The following ATF2 variants were observed in gnomAD, a reference collection of about 807,000 sequenced individuals.
ATF2 encodes the protein activating transcription factor 2, also known as cyclic AMP-dependent transcription factor ATF-2.
ATF2 carries 24 observed loss-of-function variants against 60.6 expected under a neutral mutation model. That is an observed-to-expected ratio of 0.40 (90% CI 0.29 to 0.56). The LOEUF is 0.56. ATF2 is among the 20% of genes least tolerant of loss of function. ATF2 has a pLI of 0.54. For missense variants in ATF2, 433 were observed against 607.7 expected, an observed-to-expected ratio of 0.71 and a Z score of 3.02; for synonymous variants, 206 against 215.4, an observed-to-expected ratio of 0.96 and a Z score of 0.38.
chr2:175,108,956 A>G (rs997718905), intron 10 of ATF2, among the ~76,000 whole-genome samples: 5 of 152,054 alleles, frequency 3.3e-5, no homozygotes, highest in African/African-American at 1.2e-4. Context: ...GCTTTGTTAA[A>G]CAGATGCATG....
intron 3 of ATF2, among the ~76,000 whole-genome samples, chr2:175,134,575 C>G (rs1352546754): frequency 1.3e-5 from 2 of 150,282 alleles, no homozygotes; most frequent in African/African-American, 4.9e-5. Context: ...GAAAAAAGAT[C>G]AGTGTGTTTA....
chr2:175,114,420 G>A, intron 8 of ATF2: 1 of 1,247,944 alleles, frequency 8.0e-7, no homozygotes, highest in Non-Finnish European at 1.0e-6. Flanking sequence ...ATCTGGTGAT[G>A]CAGTAATTTT....
chr2:175,141,033 ATATATATATATATATATATG>A (rs1698495580), intron 2 of ATF2, among the ~76,000 whole-genome samples: 6 of 88,112 alleles, frequency 6.8e-5, no homozygotes, highest in Non-Finnish European at 1.1e-4. Flanking sequence ...AAAAAAAAAT[ATATATATATATATATATATG>A]TATATATATA....
At chr2:175,129,452 CA>C (rs1697578076) in intron 4 of ATF2, among the ~76,000 whole-genome samples, 1 of 151,796 alleles carries the variant, frequency 6.6e-6, no homozygotes, top group Admixed American at 6.6e-5. Context: ...TATTGTAAGT[CA>C]ATTATATTTC....
intron 12 of ATF2, among the ~76,000 whole-genome samples, chr2:175,082,868 T>C (rs1693859757): frequency 6.6e-6 from 1 of 152,204 alleles, no homozygotes; most frequent in Non-Finnish European, 1.5e-5. Flanking sequence ...CTCAGAACAG[T>C]TTAGAATGCA....
At chr2:175,097,411 C>T (rs764223377) in intron 11 of ATF2, 33 bp downstream of exon 11, 53 of 1,606,488 alleles carry the variant, frequency 3.3e-5, no homozygotes, top group Non-Finnish European at 4.2e-6. Context: ...TTAAAGATGA[C>T]AGAGTGCTGA....
intron 1 of ATF2, among the ~76,000 whole-genome samples, chr2:175,158,453 G>A (rs1461007080): frequency 6.6e-6 from 1 of 151,752 alleles, no homozygotes; most frequent in African/African-American, 2.4e-5. Flanking sequence ...AATTCCTTGA[G>A]CTCAAACTCT....
At chr2:175,088,558 T>C (rs984140160) in intron 12 of ATF2, among the ~76,000 whole-genome samples, 79 of 151,822 alleles carry the variant, frequency 5.2e-4, no homozygotes, top group African/African-American at 1.8e-3. Context: ...AGTTATTAGG[T>C]TGGTGCAAAC....
chr2:175,153,029 A>G (rs1699413882), intron 1 of ATF2, among the ~76,000 whole-genome samples: 1 of 152,222 alleles, frequency 6.6e-6, no homozygotes, highest in Non-Finnish European at 1.5e-5. Flanking sequence ...GACCAGGTAC[A>G]AAAGTAATTG....
chr2:175,072,348 A>G lies in ATF2; in HGVS notation c.*2261T>C, dbSNP rs1692995385. 2.0e-5 allele frequency: 3 copies of G among 152,184 alleles called. No individual in the cohort carries two copies. The highest frequency in any genetic ancestry group is 6.6e-5 in the Admixed American group (1 of 15,254). 9.4% of individuals were successfully genotyped at this position (152,184 alleles called of 1,614,324 possible). On this transcript the variant is annotated 3_prime_UTR_variant, in exon 14 of 14. Transcript: ENST00000264110. ...GTACAGTTTGTGTAACATTGCAAAT[A>G]TAAGGACTGAAAATGCTAGGTACAG...
chr2:175,087,079 T>G (rs1398336251), intron 12 of ATF2, among the ~76,000 whole-genome samples: 2 of 151,886 alleles, frequency 1.3e-5, no homozygotes, highest in South Asian at 2.1e-4. Context: ...GAAAAAAAAA[T>G]GTATACCTCT....
chr2:175,086,246 G>A (rs1454260395), intron 12 of ATF2, among the ~76,000 whole-genome samples: 1 of 152,086 alleles, frequency 6.6e-6, no homozygotes, highest in Non-Finnish European at 1.5e-5. Flanking sequence ...TATTATTACT[G>A]TACTCTAATA....
intron 12 of ATF2, among the ~76,000 whole-genome samples, chr2:175,091,862 C>G (rs1694575339): frequency 6.6e-6 from 1 of 151,740 alleles, no homozygotes; most frequent in African/African-American, 2.4e-5. Context: ...GACTCCGTCT[C>G]AAAAACAAAA....
At chr2:175,087,809 GA>G (rs972300207) in intron 12 of ATF2, among the ~76,000 whole-genome samples, 1 of 151,988 alleles carries the variant, frequency 6.6e-6, no homozygotes, top group Non-Finnish European at 1.5e-5. Context: ...ATTTTTAACA[GA>G]AAAAAAGACA....
In ATF2 at chr2:175,161,859, C is replaced by T. The variant is rs575606589; in HGVS notation, c.-143+6191G>A. 4.6e-3 allele frequency among the ~76,000 whole-genome samples: 699 copies of T among 151,816 alleles called. 3 individuals carry two copies. The highest frequency in any genetic ancestry group is 0.016 in the African/African-American group (669 of 41,380). On this transcript the variant is annotated intron_variant, in intron 1 of 13. Coordinates refer to ENST00000264110, the MANE Select transcript of ATF2 (RefSeq NM_001880.4). ...CACTGCAACCTCTGCCTCCCAGGTT[C>T]GAGCAATTCTCCTGCCTCAGTCTCC...
intron 10 of ATF2, among the ~76,000 whole-genome samples, chr2:175,106,101 T>C (rs1695643845): frequency 6.6e-6 from 1 of 151,640 alleles, no homozygotes; most frequent in Non-Finnish European, 1.5e-5. Context: ...AAAACAAATA[T>C]TAAAGACAAA....
intron 1 of ATF2, among the ~76,000 whole-genome samples, chr2:175,160,746 A>C (rs1339660096): frequency 6.6e-6 from 1 of 152,116 alleles, no homozygotes. Flanking sequence ...GGATTGGTGG[A>C]GTAGAAGAAA....
At chr2:175,086,880 A>T (rs1291085346) in intron 12 of ATF2, among the ~76,000 whole-genome samples, 1 of 152,200 alleles carries the variant, frequency 6.6e-6, no homozygotes, top group Non-Finnish European at 1.5e-5. Flanking sequence ...TCTATTAAGA[A>T]AGATCAGAAG....
At chr2:175,125,254 T>C (rs1254334504) in intron 4 of ATF2, among the ~76,000 whole-genome samples, 1 of 152,064 alleles carries the variant, frequency 6.6e-6, no homozygotes, top group East Asian at 1.9e-4. Flanking sequence ...CTAAAACCAA[T>C]TCTTACTAAG....
Sources: gnomAD v4.1 joint callset for allele counts (sites outside exome capture counted in the v4.1 genomes callset) on GRCh38, gnomAD v4.1.1 for gene constraint, MANE v1.5 for transcripts, NCBI Gene and HGNC (gene_info 2026-07-23, HGNC 2026-07-21) for gene names.